APBB2: variants seen among roughly 807,000 people sequenced by gnomAD.
The protein encoded by APBB2 is amyloid beta precursor protein binding family B member 2.
In APBB2, 38 loss-of-function variants were observed where a neutral mutation model predicts 82.5. The ratio of observed to expected loss-of-function variants is 0.46; its 90% CI spans 0.36 to 0.60. The LOEUF (loss-of-function observed/expected upper bound fraction) is 0.60, where lower values mean the gene tolerates loss of function less well. Among genes scored for constraint, APBB2 ranks in the 20% least tolerant of loss-of-function variants. The pLI is 0.00. For missense variants in APBB2, 772 were observed against 972.3 expected, an observed-to-expected ratio of 0.79 and a Z score of 2.74; for synonymous variants, 341 against 368.2, an observed-to-expected ratio of 0.93 and a Z score of 0.85.
intron 1 of APBB2, among the ~76,000 whole-genome samples, chr4:41,214,122 G>A (rs1780036973): frequency 6.6e-6 from 1 of 152,192 alleles, no homozygotes; most frequent in Non-Finnish European, 1.5e-5. Flanking sequence ...CAAGGAGAGT[G>A]AGCCCGCAGT....
At chr4:41,171,992 C>T (rs546691874) in intron 1 of APBB2, among the ~76,000 whole-genome samples, 26 of 152,158 alleles carry the variant, frequency 1.7e-4, no homozygotes, top group East Asian at 3.9e-4. Context: ...CCCAGCTAAT[C>T]GGGAGGCTAA....
At chr4:40,989,433 A>G (rs1801396143) in intron 6 of APBB2, among the ~76,000 whole-genome samples, 1 of 152,200 alleles carries the variant, frequency 6.6e-6, no homozygotes, top group Admixed American at 6.5e-5. Context: ...GCTTTATGTC[A>G]CCACTTAGCT....
At chr4:41,153,715 T>A (rs1336144094) in intron 1 of APBB2, among the ~76,000 whole-genome samples, 1 of 152,208 alleles carries the variant, frequency 6.6e-6, no homozygotes, top group Non-Finnish European at 1.5e-5. Context: ...AGTGGAGGAA[T>A]TGAGTTTCAT....
chr4:41,040,192 T>G (rs1720814377), intron 4 of APBB2, among the ~76,000 whole-genome samples: 1 of 152,130 alleles, frequency 6.6e-6, no homozygotes, highest in South Asian at 2.1e-4. Flanking sequence ...AGATGCTTGC[T>G]CTCGAAAATC....
intron 1 of APBB2, among the ~76,000 whole-genome samples, chr4:41,189,318 C>T (rs1773771695): frequency 6.6e-6 from 1 of 152,062 alleles, no homozygotes; most frequent in Non-Finnish European, 1.5e-5. Flanking sequence ...GGAACACTTG[C>T]CTACAGTGAT....
At chr4:40,875,972 AGC>A (rs1766794456) in intron 12 of APBB2, among the ~76,000 whole-genome samples, 1 of 152,204 alleles carries the variant, frequency 6.6e-6, no homozygotes, top group Non-Finnish European at 1.5e-5. Context: ...GTGTCTAGGC[AGC>A]AGTACATGTG....
At chr4:40,977,966 T>A (rs546322228) in intron 6 of APBB2, among the ~76,000 whole-genome samples, 1 of 152,222 alleles carries the variant, frequency 6.6e-6, no homozygotes, top group Non-Finnish European at 1.5e-5. Context: ...AGAGGCTTCA[T>A]GGTAGAAGCA....
At chr4:40,871,496 C>T (rs1019003024) in intron 12 of APBB2, among the ~76,000 whole-genome samples, 6 of 152,188 alleles carry the variant, frequency 3.9e-5, no homozygotes, top group African/African-American at 1.4e-4. Context: ...GGCCTCTGCA[C>T]AAGGTAATTG....
intron 3 of APBB2, 34 bp downstream of exon 3, chr4:41,100,604 CA>C (rs1560751168): frequency 6.6e-6 from 1 of 152,034 alleles, no homozygotes; most frequent in Non-Finnish European, 1.5e-5. Flanking sequence ...AGAGGTATAA[CA>C]GAATTTTTTA....
At chr4:40,885,687 T>C (rs1028611370) in intron 12 of APBB2, among the ~76,000 whole-genome samples, 1 of 152,260 alleles carries the variant, frequency 6.6e-6, no homozygotes, top group African/African-American at 2.4e-5. Flanking sequence ...TTAAAAGTAA[T>C]TCCAATTTTT....
At chr4:41,018,611 A>G (rs1294632049) in intron 5 of APBB2, among the ~76,000 whole-genome samples, 1 of 152,206 alleles carries the variant, frequency 6.6e-6, no homozygotes, top group Non-Finnish European at 1.5e-5. Flanking sequence ...GTATCTGTGT[A>G]TATGTTGAGC....
intron 6 of APBB2, among the ~76,000 whole-genome samples, chr4:40,979,598 A>G (rs534699435): frequency 6.6e-6 from 1 of 152,374 alleles, no homozygotes; most frequent in East Asian, 1.9e-4. Flanking sequence ...GAGAAGCAGC[A>G]GCAGATATTC....
intron 4 of APBB2, among the ~76,000 whole-genome samples, chr4:41,057,900 C>T (rs1265731781): frequency 1.3e-5 from 2 of 152,192 alleles, no homozygotes; most frequent in Non-Finnish European, 2.9e-5. Context: ...GTGCCTCCTG[C>T]CCTGAGGACA....
intron 4 of APBB2, among the ~76,000 whole-genome samples, chr4:41,039,835 C>CAA (rs11441799): frequency 0.072 from 9,955 of 138,950 alleles, 850 homozygotes; most frequent in African/African-American, 0.21. Context: ...GACCTTGTCT[C>CAA]AAAAAAAAAA....
intron 1 of APBB2, among the ~76,000 whole-genome samples, chr4:41,150,723 ACCT>A (rs1341676585): frequency 1.3e-5 from 2 of 151,504 alleles, no homozygotes; most frequent in East Asian, 1.9e-4. Context: ...ACAACATCTC[ACCT>A]CCTCACCGTT....
At chr4:41,093,361 T>C (rs1742433405) in intron 3 of APBB2, among the ~76,000 whole-genome samples, 1 of 152,202 alleles carries the variant, frequency 6.6e-6, no homozygotes, top group African/African-American at 2.4e-5. Context: ...GCTATAACGC[T>C]GAAGTGCTAA....
chr4:41,039,670 G>A (rs1398640543), intron 4 of APBB2, among the ~76,000 whole-genome samples: 1 of 152,068 alleles, frequency 6.6e-6, no homozygotes, highest in Non-Finnish European at 1.5e-5. Flanking sequence ...ACCAGCCTGG[G>A]CAACATAGTG....
intron 5 of APBB2, among the ~76,000 whole-genome samples, chr4:41,026,907 T>C (rs1579352018): frequency 6.6e-6 from 1 of 152,150 alleles, no homozygotes; most frequent in South Asian, 2.1e-4. Flanking sequence ...TTATCTGAGA[T>C]CCTTCCTCAG....
Position 40,821,919 on chromosome 4 carries a change from G to A in APBB2, c.2064C>T (p.Cys688=), listed in dbSNP as rs376616524. 16 of 1,613,930 alleles carry A rather than the reference G, an allele frequency of 9.9e-6. 1 individual carries two copies. Among genetic ancestry groups the A allele is most frequent in the Middle Eastern group, 1.7e-4 (1 of 5,974 alleles). Residue 688 remains cysteine, a synonymous_variant, in exon 17 of 18, where the codon TGC becomes TGT. Coordinates refer to ENST00000508593, the MANE Select transcript of APBB2 (RefSeq NM_004307.2). ...NQRFECHVFW[C]EPNAGNVSEA... ...CAGACACGTTACCAGCATTAGGCTC[G>A]CACCAGAAAACGTGGCACTCAAAGC...
Sources: allele counts gnomAD v4.1 joint callset (sites outside exome capture counted in the v4.1 genomes callset), GRCh38; gene constraint gnomAD v4.1.1; transcripts MANE v1.5; gene names NCBI Gene and HGNC (gene_info 2026-07-23, HGNC 2026-07-21).